Variants in FUT9 observed in about 807,000 individuals in gnomAD.
The protein encoded by FUT9 is 4-galactosyl-N-acetylglucosaminide 3-alpha-L-fucosyltransferase 9.
FUT9 carries 15 observed loss-of-function variants against 29.7 expected under a neutral mutation model. The observed-to-expected ratio is 0.51, with a 90% CI of 0.34 to 0.78. The LOEUF is 0.78. Among genes scored for constraint, FUT9 ranks in the 30% least tolerant of loss-of-function variants. The pLI is 0.01. For missense variants in FUT9, 319 were observed against 425.4 expected (o/e 0.75, Z 2.20); for synonymous variants, 169 against 153.7 (o/e 1.10, Z -0.74).
At chr6:96,169,296 C>A (rs1162445647) in intron 2 of FUT9, among the ~76,000 whole-genome samples, 3 of 152,192 alleles carry the variant, frequency 2.0e-5, no homozygotes, top group Non-Finnish European at 2.9e-5. Flanking sequence ...ATTTTACATT[C>A]ATTTCCCAAT....
chr6:96,087,002 T>TC (rs1354342185), intron 1 of FUT9, among the ~76,000 whole-genome samples: 1 of 152,142 alleles, frequency 6.6e-6, no homozygotes, highest in African/African-American at 2.4e-5. Context: ...ACATGCCATC[T>TC]CAACACATGG....
rs2127993854 is a variant in FUT9, at chr6:96,211,773, T to C, written c.*7538T>C. On this transcript the variant is annotated 3_prime_UTR_variant, in exon 3 of 3. Coordinates refer to ENST00000302103, the MANE Select transcript of FUT9 (RefSeq NM_006581.4). Reference sequence around the variant, plus strand: ...CTATTTTTCTATATGAAAAAGAGAATGATATTCAAAATAGTATTTTTAAGT... The same window carrying C: ...CTATTTTTCTATATGAAAAAGAGAACGATATTCAAAATAGTATTTTTAAGT... The C allele has an allele frequency of 4.4e-6, 1 of 224,910 alleles. No individual in the cohort carries two copies. The highest frequency in any genetic ancestry group is 2.3e-5 in the African/African-American group (1 of 43,900). 13.9% of individuals were successfully genotyped at this position (224,910 alleles called of 1,614,324 possible).
chr6:96,088,751 C>G (rs1240194642), intron 1 of FUT9, among the ~76,000 whole-genome samples: 1 of 137,538 alleles, frequency 7.3e-6, no homozygotes, highest in African/African-American at 2.8e-5. Flanking sequence ...TGTCCCAGAC[C>G]TTTTGCTACC....
At chr6:96,135,171 TA>T (rs915016857) in intron 2 of FUT9, among the ~76,000 whole-genome samples, 3 of 151,954 alleles carry the variant, frequency 2.0e-5, no homozygotes, top group Non-Finnish European at 4.4e-5. Context: ...TTATGGATGA[TA>T]TTTTTTTCTA....
At chr6:96,034,273 G>C (rs1162613767) in intron 1 of FUT9, among the ~76,000 whole-genome samples, 1 of 151,618 alleles carries the variant, frequency 6.6e-6, no homozygotes, top group Non-Finnish European at 1.5e-5. Flanking sequence ...GAGTAGAGGA[G>C]CATTTTATCA....
chr6:96,055,140 T>G (rs996646666), intron 1 of FUT9, among the ~76,000 whole-genome samples: 2 of 152,176 alleles, frequency 1.3e-5, no homozygotes, highest in Non-Finnish European at 2.9e-5. Flanking sequence ...TTCCTTCTGA[T>G]TAATTGATTT....
At chr6:96,078,272 T>A (rs1771172473) in intron 1 of FUT9, among the ~76,000 whole-genome samples, 1 of 152,014 alleles carries the variant, frequency 6.6e-6, no homozygotes, top group Non-Finnish European at 1.5e-5. Flanking sequence ...GCTCTCTGGC[T>A]GCTCTGGCTT....
intron 2 of FUT9, among the ~76,000 whole-genome samples, chr6:96,120,561 G>C (rs1216765131): frequency 7.1e-6 from 1 of 141,072 alleles, no homozygotes; most frequent in East Asian, 2.1e-4. Context: ...GGGATTACAG[G>C]CGTGAACCAC....
intron 2 of FUT9, among the ~76,000 whole-genome samples, chr6:96,170,197 A>G (rs1773085967): frequency 6.6e-6 from 1 of 152,166 alleles, no homozygotes; most frequent in African/African-American, 2.4e-5. Flanking sequence ...GTGATGTGAA[A>G]TAATTCAGGA....
At chr6:96,149,563 C>G (rs1351455253) in intron 2 of FUT9, among the ~76,000 whole-genome samples, 1 of 152,128 alleles carries the variant, frequency 6.6e-6, no homozygotes, top group Non-Finnish European at 1.5e-5. Context: ...ATATTATCAG[C>G]ATCAAACAAA....
At chr6:96,078,173 T>A (rs1276058840) in intron 1 of FUT9, among the ~76,000 whole-genome samples, 1 of 152,124 alleles carries the variant, frequency 6.6e-6, no homozygotes, top group East Asian at 1.9e-4. Context: ...TTTCAATTTT[T>A]TCTACATTCC....
chr6:96,139,709 G>A (rs1221059708), intron 2 of FUT9, among the ~76,000 whole-genome samples: 1 of 152,164 alleles, frequency 6.6e-6, no homozygotes. Flanking sequence ...CCATGTGTAA[G>A]CTGCCAAGGT....
rs553070947 is a variant in FUT9 at position 96,050,292 on chromosome 6, T to A, written c.-98+34080T>A. On this transcript the variant is annotated intron_variant, in intron 1 of 2. Transcript: ENST00000302103. ...GTCTCTGTGTTTACCCCAACCTAAT[T>A]TGAGTTAAAATTCAATAGTTTAAGA... Among the ~76,000 whole-genome samples the A allele has an allele frequency of 2.6e-5, 4 of 152,262 alleles. No homozygotes were observed. In the East Asian group the frequency reaches 5.8e-4, roughly 22 times the overall value.
chr6:96,025,987 A>G (rs544180780), intron 1 of FUT9, among the ~76,000 whole-genome samples: 2 of 151,836 alleles, frequency 1.3e-5, no homozygotes, highest in African/African-American at 4.8e-5. Flanking sequence ...TATACACATT[A>G]CAAACAAAAA....
intron 2 of FUT9, among the ~76,000 whole-genome samples, chr6:96,175,427 AT>A (rs1422207532): frequency 1.3e-5 from 2 of 152,194 alleles, no homozygotes; most frequent in African/African-American, 4.8e-5. Flanking sequence ...TGTGTAAGCT[AT>A]ATGGTCACTT....
At chr6:96,164,591 T>A (rs553986341) in intron 2 of FUT9, among the ~76,000 whole-genome samples, 1 of 152,278 alleles carries the variant, frequency 6.6e-6, no homozygotes, top group Non-Finnish European at 1.5e-5. Context: ...CTGTAAAAGC[T>A]TCTTATCAGA....
rs191170222 is a variant in FUT9, at chr6:96,128,849, G to A, written c.-9+14722G>A. Among the ~76,000 whole-genome samples, 134 of 152,080 alleles carry A rather than the reference G, an allele frequency of 8.8e-4. 2 individuals carry two copies. The highest frequency in any genetic ancestry group is 1.1e-3 in the Non-Finnish European group (77 of 67,982). ...TTAAAATATCAAACTAAAGGGCCAGGCACAGTGGCTCACACCTGTAATACC... is the reference window on the plus strand; with the variant it reads ...TTAAAATATCAAACTAAAGGGCCAGACACAGTGGCTCACACCTGTAATACC... On this transcript the variant is annotated intron_variant, in intron 2 of 2. Transcript: ENST00000302103.
At position 96,211,920 on chromosome 6, in the gene FUT9, T is replaced by C. The variant is rs1193343841; in HGVS notation, c.*7685T>C. ...TGGAAACCAAACAATTTTGAATTAG[T>C]TGTGTAAGTAAAGTAAGTTAAGTTA... is the stretch of plus-strand genomic sequence containing the variant. On this transcript the variant is annotated 3_prime_UTR_variant, in exon 3 of 3. Transcript: ENST00000302103. The C allele has an allele frequency of 2.5e-6, 1 of 406,720 alleles. No individual in the cohort carries two copies. The highest frequency in any genetic ancestry group is 4.5e-6 in the Non-Finnish European group (1 of 222,176). The allele number at this position is 406,720 out of a possible 1,614,324, so 25.2% of individuals were successfully genotyped here. A position where few individuals can be genotyped will look rare whatever the true frequency, so the allele number is the denominator to read the frequency against.
Position 96,203,828 on chromosome 6 carries a change from T to C in FUT9, c.673T>C (p.Tyr225His), listed in dbSNP as rs758186255. The change falls in exon 3 of 3, where the codon TAT becomes CAT. Residue 225 changes from tyrosine to histidine, a missense_variant. Tyr to His is a moderately conservative substitution (Grantham distance 83). Transcript: ENST00000302103. ...TACCTACGGGCAAGCATTTGGAGAA[T>C]ATGTCAATGATAAAAATTTGATTCC... ...IHTYGQAFGE[Y>H]VNDKNLIPTI... The C allele has an allele frequency of 5.0e-6, 8 of 1,611,782 alleles. No homozygotes were observed. The South Asian group carries it at 7.7e-5, about 15-fold the overall frequency.
Sources: gnomAD v4.1 joint callset for allele counts (sites outside exome capture counted in the v4.1 genomes callset) on GRCh38, gnomAD v4.1.1 for gene constraint, MANE v1.5 for transcripts, NCBI Gene and HGNC (gene_info 2026-07-23, HGNC 2026-07-21) for gene names.